VPS35L: variants seen among roughly 807,000 people sequenced by gnomAD.
VPS35L encodes the protein VPS35 endosomal protein sorting factor like.
VPS35L carries 83 observed loss-of-function variants against 133.0 expected under a neutral mutation model. The observed-to-expected ratio is 0.62, with a 90% CI of 0.52 to 0.75. The LOEUF (loss-of-function observed/expected upper bound fraction) is 0.75. Among genes scored for constraint, VPS35L ranks in the 30% least tolerant of loss-of-function variants. The pLI is 0.00. For synonymous variants in VPS35L, 423 were observed against 449.9 expected, an observed-to-expected ratio of 0.94 and a Z score of 0.76; for missense variants, 1,083 against 1,206.8, an observed-to-expected ratio of 0.90 and a Z score of 1.52.
In VPS35L at chr16:19,650,416, T is replaced by C. The variant is rs371098973; in HGVS notation, c.2063T>C (p.Val688Ala). The change falls in exon 25 of 31, where the codon GTA becomes GCA. Residue 688 changes from valine (V) to alanine (A), a missense_variant. Val to Ala is a moderately conservative substitution (Grantham distance 64). Coordinates refer to ENST00000417362, the MANE Select transcript of VPS35L (RefSeq NM_020314.7). ...VNRLAMETRK[V>A]MKGNHSRKTA... Reference sequence around the variant, plus strand: ...CGGTTGGCAATGGAGACAAGAAAAGTAATGAAAGGAAATCATTCCAGAAAG... The same window carrying C: ...CGGTTGGCAATGGAGACAAGAAAAGCAATGAAAGGAAATCATTCCAGAAAG... 1 of 1,613,808 alleles carries C rather than the reference T, an allele frequency of 6.2e-7. No homozygotes were observed.
At chr16:19,635,369 A>G (rs1973591799) in intron 19 of VPS35L, among the ~76,000 whole-genome samples, 1 of 152,134 alleles carries the variant, frequency 6.6e-6, no homozygotes, top group Non-Finnish European at 1.5e-5. Flanking sequence ...AACTAAAAAT[A>G]AAATAAATAA....
chr16:19,617,448 C>T (rs1972933446), intron 14 of VPS35L: 1 of 155,416 alleles, frequency 6.4e-6, no homozygotes, highest in African/African-American at 2.4e-5. Context: ...ATTGCGTCTT[C>T]ACTTAACCTT....
chr16:19,617,634 GAC>G (rs1365007696), intron 14 of VPS35L: 1 of 152,086 alleles, frequency 6.6e-6, no homozygotes, highest in Non-Finnish European at 1.5e-5. Flanking sequence ...AATCATAGCA[GAC>G]ACATATTTTC....
At position 19,676,796 on chromosome 16, in the gene VPS35L, C is replaced by G. The variant is rs1279927942; in HGVS notation, c.2362-5429C>G. Among the ~76,000 whole-genome samples, 6 of 152,164 alleles carry G rather than the reference C, an allele frequency of 3.9e-5. No individual in the cohort carries two copies. In the East Asian group the frequency reaches 1.2e-3, roughly 29 times the overall value. On this transcript the variant is annotated intron_variant, in intron 27 of 30. Transcript: ENST00000417362. ...TGAGCAAGAGAAGCATACCCCAACT[C>G]AGGAGGACAGACTTCATGTTAAACA...
intron 23 of VPS35L, among the ~76,000 whole-genome samples, chr16:19,647,536 G>A (rs1280557546): frequency 1.3e-5 from 2 of 152,144 alleles, no homozygotes; most frequent in Non-Finnish European, 1.5e-5. Context: ...CCACATTTAT[G>A]TTCTGTGAAA....
chr16:19,564,749 G>T lies in VPS35L; in HGVS notation c.18-102G>T, dbSNP rs572549421. 7.3e-5 allele frequency: 57 copies of T among 779,256 alleles called. 1 individual carries two copies. In the South Asian group the frequency reaches 8.9e-4, roughly 12 times the overall value. 48.3% of individuals were successfully genotyped at this position (779,256 alleles called of 1,614,324 possible). On this transcript the variant is annotated intron_variant, in intron 1 of 30. Transcript: ENST00000417362. ...TCTTTTTAACTTTGGTGGGAATATTGTGCTGTTCTAAACTACCTTGTCATT... is the reference window on the plus strand; with the variant it reads ...TCTTTTTAACTTTGGTGGGAATATTTTGCTGTTCTAAACTACCTTGTCATT...
rs144556424 is a variant in VPS35L, at chr16:19,573,227, G to A, written c.394G>A (p.Glu132Lys). The A allele has an allele frequency of 6.2e-5, 100 of 1,613,604 alleles. No homozygotes were observed. In the African/African-American group the frequency reaches 1.0e-3, roughly 17 times the overall value. Residue 132 changes from glutamate to lysine, a missense_variant, in exon 4 of 31, where the codon GAA becomes AAA. Physicochemically the swap from Glu to Lys is moderately conservative, Grantham distance 56 (BLOSUM62 1). Coordinates refer to ENST00000417362, the MANE Select transcript of VPS35L (RefSeq NM_020314.7). ...AATCCTTGCCCGGTACACCACTACCGAAAAGCTGTCTATTGTGAGTACCAG... is the reference window on the plus strand; with the variant it reads ...AATCCTTGCCCGGTACACCACTACCAAAAAGCTGTCTATTGTGAGTACCAG... Reference protein sequence around the residue: ...GEILARYTTTEKLSINLFMGS... With the variant: ...GEILARYTTTKKLSINLFMGS...
chr16:19,564,863 T>G lies in VPS35L; in HGVS notation c.30T>G (p.Asn10Lys), dbSNP rs753813652. The G allele has an allele frequency of 6.2e-7, 1 of 1,613,202 alleles. No individual in the cohort carries two copies. Among genetic ancestry groups the G allele is most frequent in the South Asian group, 1.1e-5 (1 of 91,052 alleles). ...CGCTGTTTACCAGGCACTCCAGGAA[T>G]AGGAACTACAAAGCTGAATTTGCAT... The part of the protein sequence containing the change: MAVFPWHSR[N>K]RNYKAEFASC... Residue 10 changes from asparagine (N) to lysine (K), a missense_variant, in exon 2 of 31, where the codon AAT becomes AAG. Coordinates refer to ENST00000417362, the MANE Select transcript of VPS35L (RefSeq NM_020314.7).
chr16:19,624,001 G>T (rs1032782147), intron 14 of VPS35L, among the ~76,000 whole-genome samples: 1 of 148,848 alleles, frequency 6.7e-6, no homozygotes, highest in African/African-American at 2.5e-5. Flanking sequence ...ATGAGGTTTC[G>T]CCATGTTGCC....
intron 26 of VPS35L, among the ~76,000 whole-genome samples, chr16:19,660,936 C>T (rs761496824): frequency 6.6e-6 from 1 of 152,108 alleles, no homozygotes; most frequent in African/African-American, 2.4e-5. Context: ...ACCCCCAAAT[C>T]TGCTGTTGTT....
At chr16:19,608,030 T>A in intron 9 of VPS35L, 148 bp from the exon 10 acceptor site, 1 of 632,168 alleles carries the variant, frequency 1.6e-6, no homozygotes, top group Non-Finnish European at 2.8e-6. Context: ...ATTGTTATCA[T>A]CAGTTACTTC....
rs576794210 is a variant in VPS35L at position 19,615,109 on chromosome 16, C to T, written c.1024-1005C>T. On this transcript the variant is annotated intron_variant, in intron 12 of 30. Transcript: ENST00000417362. ...TCTGGAATTCAAGCTGACTTTCTCACGTACCGTAATCTTTGTGCTTGGTCT... is the reference window on the plus strand; with the variant it reads ...TCTGGAATTCAAGCTGACTTTCTCATGTACCGTAATCTTTGTGCTTGGTCT... Among the ~76,000 whole-genome samples, 11 of 152,320 alleles carry T rather than the reference C, an allele frequency of 7.2e-5. No individual in the cohort carries two copies. In the East Asian group the frequency reaches 7.7e-4, roughly 11 times the overall value.
chr16:19,675,046 G>T (rs1250692495), intron 27 of VPS35L, among the ~76,000 whole-genome samples: 2 of 150,956 alleles, frequency 1.3e-5, no homozygotes, highest in African/African-American at 2.4e-5. Flanking sequence ...TTGACCTCCT[G>T]GGCTCAAATA....
chr16:19,574,391 G>T (rs2151511221), intron 4 of VPS35L, among the ~76,000 whole-genome samples: 1 of 152,294 alleles, frequency 6.6e-6, no homozygotes, highest in Middle Eastern at 3.4e-3. Context: ...TTGAAGGTGT[G>T]ATCATGGGCC....
At chr16:19,558,930 A>C in intron 1 of VPS35L, among the ~76,000 whole-genome samples, 1 of 151,930 alleles carries the variant, frequency 6.6e-6, no homozygotes, top group Non-Finnish European at 1.5e-5. Context: ...CTCAAAAAAA[A>C]AAAAAAAACA....
intron 22 of VPS35L, among the ~76,000 whole-genome samples, chr16:19,644,544 T>G (rs1973880331): frequency 6.6e-6 from 1 of 152,196 alleles, no homozygotes; most frequent in Non-Finnish European, 1.5e-5. Context: ...CGCTGGAGAT[T>G]TTTTAAATAA....
chr16:19,583,140 C>A (rs1971760905), intron 7 of VPS35L, among the ~76,000 whole-genome samples: 1 of 135,584 alleles, frequency 7.4e-6, no homozygotes. Context: ...GTGTGTAATT[C>A]ATTGATTTTT....
At chr16:19,603,464 G>A (rs12102674) in intron 9 of VPS35L, among the ~76,000 whole-genome samples, 3,898 of 152,202 alleles carry the variant, frequency 0.026, 174 homozygotes, top group African/African-American at 0.089. Flanking sequence ...ATGTTGAAAC[G>A]GTATTCTGGA....
intron 28 of VPS35L, among the ~76,000 whole-genome samples, chr16:19,684,963 C>T (rs1385401758): frequency 2.6e-5 from 4 of 151,386 alleles, no homozygotes; most frequent in African/African-American, 9.7e-5. Context: ...ATGGCTGATG[C>T]AGGCGAATCG....
Sources: allele counts gnomAD v4.1 joint callset (sites outside exome capture counted in the v4.1 genomes callset), GRCh38; gene constraint gnomAD v4.1.1; transcripts MANE v1.5; gene names NCBI Gene and HGNC (gene_info 2026-07-23, HGNC 2026-07-21).